Variants in ZNF827 observed in about 807,000 individuals in gnomAD.
ZNF827 encodes the protein zinc finger protein 827.
A neutral mutation model predicts 102.4 loss-of-function variants in ZNF827; 13 were observed. The ratio of observed to expected loss-of-function variants is 0.13; its 90% CI spans 0.08 to 0.20. ZNF827 has a LOEUF of 0.20. Ranked by LOEUF, ZNF827 falls within the 10% of genes least tolerant of loss-of-function variation. The pLI, the probability that ZNF827 is intolerant of heterozygous loss-of-function variation, is 1.00. For missense variants in ZNF827, 1,103 were observed against 1,344.4 expected (o/e 0.82, Z 2.81); for synonymous variants, 523 against 536.2 (o/e 0.98, Z 0.34).
intron 1 of ZNF827, among the ~76,000 whole-genome samples, chr4:145,909,420 C>A (rs533080045): frequency 6.6e-6 from 1 of 152,250 alleles, no homozygotes. Context: ...CTCTCTCATT[C>A]GCCTCTAGTC....
chr4:145,893,110 C>T (rs1409802624), intron 2 of ZNF827, among the ~76,000 whole-genome samples: 1 of 152,226 alleles, frequency 6.6e-6, no homozygotes, highest in Non-Finnish European at 1.5e-5. Context: ...TGCACGGTGA[C>T]TGGGCCTCAT....
chr4:145,879,850 G>A (rs13128814), intron 4 of ZNF827, among the ~76,000 whole-genome samples: 96,367 of 152,052 alleles, frequency 0.63, 32,071 homozygotes, highest in East Asian at 0.85. Flanking sequence ...GAACAGAGCC[G>A]AGTTCCTGTT....
At position 145,870,370 on chromosome 4, in the gene ZNF827, G is replaced by A. The variant is rs528410596; in HGVS notation, c.1856C>T (p.Pro619Leu). ...TLPRSSYVFSPESEVSAPGVS... is the reference protein window; with the variant it reads ...TLPRSSYVFSLESEVSAPGVS... ...GCCTGGGGCTGACACTTCAGATTCC[G>A]GGCTGAACACATAGCTGGACCGAGG... The change falls in exon 5 of 15, where the codon CCG becomes CTG. Residue 619 changes from proline (P) to leucine (L), a missense_variant. Pro to Leu is a moderately conservative substitution (Grantham distance 98). This residue lies in a region of ZNF827 where 243 missense variants were observed against 251.6 expected (regional missense o/e 0.97). Coordinates refer to ENST00000508784, the MANE Select transcript of ZNF827 (RefSeq NM_001306215.2). The A allele has an allele frequency of 1.6e-4, 256 of 1,614,102 alleles. 2 individuals carry two copies. The South Asian group carries it at 2.5e-3, about 16-fold the overall frequency.
At chr4:145,836,551 TTTG>T (rs1744859935) in intron 7 of ZNF827, among the ~76,000 whole-genome samples, 1 of 152,334 alleles carries the variant, frequency 6.6e-6, no homozygotes, top group South Asian at 2.1e-4. Flanking sequence ...GTACTCACTC[TTTG>T]TTGAGTCTCC....
chr4:145,849,751 T>C (rs1266406897), intron 5 of ZNF827, among the ~76,000 whole-genome samples, 190 bp from the exon 6 acceptor site: 1 of 152,100 alleles, frequency 6.6e-6, no homozygotes, highest in Non-Finnish European at 1.5e-5. Context: ...GGTAGGAGAC[T>C]TCAGTTTTTT....
intron 7 of ZNF827, among the ~76,000 whole-genome samples, chr4:145,824,732 C>T (rs1372727077): frequency 6.6e-6 from 1 of 152,148 alleles, no homozygotes; most frequent in Non-Finnish European, 1.5e-5. Context: ...CCCACCACTC[C>T]CCTGGGCAAA....
At chr4:145,775,487 C>T (rs1044456089) in intron 10 of ZNF827, among the ~76,000 whole-genome samples, 14 of 151,756 alleles carry the variant, frequency 9.2e-5, no homozygotes, top group African/African-American at 2.7e-4. Flanking sequence ...AAGGTTGGAG[C>T]TTCTGAGCTG....
intron 8 of ZNF827, among the ~76,000 whole-genome samples, chr4:145,805,394 A>C (rs1299995295): frequency 6.6e-6 from 1 of 152,180 alleles, no homozygotes; most frequent in Non-Finnish European, 1.5e-5. Flanking sequence ...CCAAATTTCA[A>C]CCAAATGTAA....
chr4:145,858,641 CAAA>C (rs57745840), intron 5 of ZNF827, among the ~76,000 whole-genome samples: 13 of 93,012 alleles, frequency 1.4e-4, no homozygotes, highest in East Asian at 3.1e-4. Flanking sequence ...GACCCTGTCT[CAAA>C]AAAAAAAAAA....
At chr4:145,921,667 A>G (rs903511699) in intron 1 of ZNF827, among the ~76,000 whole-genome samples, 1 of 152,100 alleles carries the variant, frequency 6.6e-6, no homozygotes, top group Non-Finnish European at 1.5e-5. Flanking sequence ...TGGCATTTGG[A>G]TTACACTCAG....
intron 5 of ZNF827, among the ~76,000 whole-genome samples, chr4:145,869,287 C>A (rs1748478733): frequency 6.6e-6 from 1 of 152,202 alleles, no homozygotes. Context: ...TACTTTCCAA[C>A]CCACTAGTCA....
In ZNF827 at chr4:145,850,305, C is replaced by T. The variant is rs146793999; in HGVS notation, c.1982-744G>A. Among the ~76,000 whole-genome samples, 1,117 of 152,182 alleles carry T rather than the reference C, an allele frequency of 7.3e-3. 5 individuals are homozygous for T. Among genetic ancestry groups the T allele is most frequent in the Non-Finnish European group, 0.011 (743 of 67,994 alleles). On this transcript the variant is annotated intron_variant, in intron 5 of 14. Coordinates refer to ENST00000508784, the MANE Select transcript of ZNF827 (RefSeq NM_001306215.2). ...GATTACAGGCATGAGCCACTGCGCC[C>T]GGCCTCTCCCTCTATTTTTAAAGCT...
intron 8 of ZNF827, among the ~76,000 whole-genome samples, chr4:145,817,353 A>G (rs1056862105): frequency 2.6e-5 from 4 of 152,236 alleles, no homozygotes; most frequent in Non-Finnish European, 4.4e-5. Flanking sequence ...GGCTAAAATT[A>G]CAGTGCCATA....
chr4:145,870,202 G>A, intron 5 of ZNF827, 43 bp downstream of exon 5: 1 of 1,594,094 alleles, frequency 6.3e-7, no homozygotes, highest in Non-Finnish European at 8.6e-7. Flanking sequence ...TGGCCTGCAA[G>A]TGAAACTATC....
chr4:145,837,346 T>G (rs1282004786), intron 7 of ZNF827, among the ~76,000 whole-genome samples: 1 of 152,204 alleles, frequency 6.6e-6, no homozygotes, highest in Non-Finnish European at 1.5e-5. Context: ...CCACTTTCCC[T>G]TCTCAGAATT....
At chr4:145,937,562 C>T (rs929673209) in intron 1 of ZNF827, among the ~76,000 whole-genome samples, 3 of 146,720 alleles carry the variant, frequency 2.0e-5, no homozygotes, top group Admixed American at 6.8e-5. Flanking sequence ...CCCGCCCGGC[C>T]GCCCCGCGCC....
intron 11 of ZNF827, among the ~76,000 whole-genome samples, chr4:145,768,543 A>T (rs1013167446): frequency 6.6e-6 from 1 of 152,044 alleles, no homozygotes; most frequent in African/African-American, 2.4e-5. Context: ...GAATGTTAAG[A>T]TGTCAATTAT....
chr4:145,791,238 T>C (rs964482451), intron 8 of ZNF827, among the ~76,000 whole-genome samples: 33 of 152,222 alleles, frequency 2.2e-4, no homozygotes, highest in Admixed American at 1.0e-3. Flanking sequence ...CAGACAGCCA[T>C]CTTTCTCACT....
chr4:145,879,323 G>C (rs1749476764), intron 4 of ZNF827, among the ~76,000 whole-genome samples: 1 of 152,146 alleles, frequency 6.6e-6, no homozygotes, highest in Non-Finnish European at 1.5e-5. Flanking sequence ...CTGGCACAGT[G>C]CCCAGCTCAC....
Sources: gnomAD v4.1 joint callset for allele counts (sites outside exome capture counted in the v4.1 genomes callset) on GRCh38, gnomAD v4.1.1 for gene constraint, gnomAD v4.1.1 regional missense constraint, MANE v1.5 for transcripts, NCBI Gene and HGNC (gene_info 2026-07-23, HGNC 2026-07-21) for gene names.